EXT2: variants seen among roughly 807,000 people sequenced by gnomAD.
EXT2 encodes exostosin-2.
Under a neutral mutation model 81.6 loss-of-function variants are expected in EXT2, and 53 were observed. The ratio of observed to expected loss-of-function variants is 0.65; its 90% confidence interval spans 0.52 to 0.82. EXT2 has a LOEUF of 0.82. EXT2 is among the 40% of genes least tolerant of loss of function. The probability of loss-of-function intolerance (pLI) is 0.00; values close to 1 mark genes in which losing one functional copy is unlikely to be tolerated. For missense variants in EXT2, 774 were observed against 910.2 expected (o/e 0.85, Z 1.93); for synonymous variants, 320 against 340.0 (o/e 0.94, Z 0.65).
intron 9 of EXT2, among the ~76,000 whole-genome samples, chr11:44,205,374 A>G (rs898682322): frequency 1.3e-5 from 2 of 152,250 alleles, no homozygotes; most frequent in Admixed American, 6.5e-5. Context: ...TTCATGCATT[A>G]TTCCAAAGAT....
At chr11:44,226,740 A>G (rs2135247954) in intron 10 of EXT2, among the ~76,000 whole-genome samples, 1 of 152,358 alleles carries the variant, frequency 6.6e-6, no homozygotes, top group Middle Eastern at 3.4e-3. Context: ...AAGAAGGGCC[A>G]CTAATTCAAA....
chr11:44,176,262 A>G (rs914304609), intron 8 of EXT2, among the ~76,000 whole-genome samples: 1 of 152,216 alleles, frequency 6.6e-6, no homozygotes, highest in South Asian at 2.1e-4. Context: ...GAGATGTTTA[A>G]TAAGAATAAA....
At chr11:44,241,185 G>A (rs1360746406) in intron 13 of EXT2, among the ~76,000 whole-genome samples, 1 of 152,024 alleles carries the variant, frequency 6.6e-6, no homozygotes, top group Non-Finnish European at 1.5e-5. Context: ...TCCGCTGTTA[G>A]TTCTTTAAGA....
chr11:44,137,054 G>A (rs1262645892), intron 7 of EXT2, among the ~76,000 whole-genome samples: 1 of 152,094 alleles, frequency 6.6e-6, no homozygotes, highest in Admixed American at 6.5e-5. Flanking sequence ...GTGAAGGAAA[G>A]TGGTCAACAT....
At chr11:44,096,050 G>T in intron 1 of EXT2, 198 bp downstream of exon 1, 1 of 643,476 alleles carries the variant, frequency 1.6e-6, no homozygotes, top group Non-Finnish European at 2.8e-6. Flanking sequence ...GGAGCGCTCC[G>T]ATTTCCACTC....
Position 44,130,141 on chromosome 11 carries a change from A to G in EXT2, c.1173+3A>G, listed in dbSNP as rs778412859. On this transcript the variant is annotated splice_donor_region_variant and intron_variant, in intron 7 of 13. Coordinates refer to ENST00000533608, the MANE Select transcript of EXT2 (RefSeq NM_207122.2). ...AGATTGAAGAAATGCAGAGACAGGT[A>G]AGAGGCCAAGTCTTGGGGAGGTGAC... 1.6e-5 allele frequency: 26 copies of G among 1,612,840 alleles called. No homozygotes were observed. The highest frequency in any genetic ancestry group is 1.5e-5 in the Non-Finnish European group (18 of 1,178,834).
intron 7 of EXT2, among the ~76,000 whole-genome samples, chr11:44,158,825 C>T (rs1168637771): frequency 2.0e-5 from 3 of 151,706 alleles, no homozygotes; most frequent in Non-Finnish European, 4.4e-5. Flanking sequence ...TTTATTTCTC[C>T]TTCACTTGGG....
At chr11:44,218,527 A>G (rs559284166) in intron 10 of EXT2, among the ~76,000 whole-genome samples, 138 of 152,326 alleles carry the variant, frequency 9.1e-4, no homozygotes, top group African/African-American at 3.2e-3. Context: ...TCAGATCACA[A>G]GATGACTTAG....
intron 2 of EXT2, among the ~76,000 whole-genome samples, 172 bp from the exon 3 acceptor site, chr11:44,109,022 G>A (rs192682639): frequency 4.6e-5 from 7 of 152,286 alleles, no homozygotes; most frequent in African/African-American, 1.7e-4. Flanking sequence ...TCCCTGTCAT[G>A]GAGCCAGACT....
At chr11:44,196,919 G>A (rs753922948) in intron 8 of EXT2, among the ~76,000 whole-genome samples, 10 of 152,146 alleles carry the variant, frequency 6.6e-5, no homozygotes, top group African/African-American at 1.4e-4. Flanking sequence ...AGAGGGAAGC[G>A]CTGAAAAGCT....
At chr11:44,211,219 G>A (rs113357882) in intron 10 of EXT2, among the ~76,000 whole-genome samples, 26 of 152,338 alleles carry the variant, frequency 1.7e-4, no homozygotes, top group African/African-American at 6.3e-4. Flanking sequence ...AGAGCATGGA[G>A]GTTCCTCAAA....
chr11:44,139,546 C>T (rs1445212976), intron 7 of EXT2, among the ~76,000 whole-genome samples: 1 of 152,052 alleles, frequency 6.6e-6, no homozygotes, highest in Admixed American at 6.6e-5. Context: ...TTTCATGGTG[C>T]CCTCTGCCTC....
intron 10 of EXT2, among the ~76,000 whole-genome samples, chr11:44,214,961 T>C (rs977818039): frequency 5.9e-5 from 9 of 152,018 alleles, no homozygotes; most frequent in African/African-American, 2.2e-4. Flanking sequence ...GCTCCTGCTA[T>C]GTTGTTGTGG....
rs116184138 is a variant in EXT2, at chr11:44,189,060, C to T, written c.1306-8769C>T. Among the ~76,000 whole-genome samples, 156 of 152,264 alleles carry T rather than the reference C, an allele frequency of 1.0e-3. 1 individual carries two copies. The highest frequency in any genetic ancestry group is 3.6e-3 in the Admixed American group (55 of 15,296). On this transcript the variant is annotated intron_variant, in intron 8 of 13. Coordinates refer to ENST00000533608, the MANE Select transcript of EXT2 (RefSeq NM_207122.2). ...AGCAGCTGTAGGAAAAAGAGAATAG[C>T]AGTAGACATATTTGGCCTGCTCTTG...
chr11:44,192,659 G>A (rs920769969), intron 8 of EXT2, among the ~76,000 whole-genome samples: 21 of 152,050 alleles, frequency 1.4e-4, no homozygotes, highest in Non-Finnish European at 2.8e-4. Flanking sequence ...ACATAATCTC[G>A]TTTAATCATC....
chr11:44,100,912 A>G (rs1048988359), intron 1 of EXT2, among the ~76,000 whole-genome samples: 4 of 152,084 alleles, frequency 2.6e-5, no homozygotes, highest in African/African-American at 7.2e-5. Context: ...TGCAGAGGAC[A>G]GCAGTTTCTT....
intron 3 of EXT2, among the ~76,000 whole-genome samples, chr11:44,111,209 A>AT (rs892005135): frequency 2.6e-5 from 4 of 152,170 alleles, no homozygotes; most frequent in African/African-American, 9.6e-5. Context: ...TGCTCAGTGA[A>AT]TTTTTTTTAA....
chr11:44,119,660 G>A (rs1954288424), intron 4 of EXT2, among the ~76,000 whole-genome samples: 1 of 152,230 alleles, frequency 6.6e-6, no homozygotes, highest in African/African-American at 2.4e-5. Flanking sequence ...CAGTTCCAGG[G>A]ATGATGGGAA....
At chr11:44,136,157 C>T (rs1171641642) in intron 7 of EXT2, among the ~76,000 whole-genome samples, 1 of 152,182 alleles carries the variant, frequency 6.6e-6, no homozygotes. Context: ...GACTGATGTA[C>T]TGAGGGTTCC....
Sources: gnomAD v4.1 joint callset for allele counts (sites outside exome capture counted in the v4.1 genomes callset) on GRCh38, gnomAD v4.1.1 for gene constraint, MANE v1.5 for transcripts, NCBI Gene and HGNC (gene_info 2026-07-23, HGNC 2026-07-21) for gene names.